Variants in EXTL3 observed in about 807,000 individuals in gnomAD.
The protein encoded by EXTL3 is exostosin-like 3.
EXTL3 carries 27 observed loss-of-function variants against 69.3 expected under a neutral mutation model. The ratio of observed to expected loss-of-function variants is 0.39; its 90% CI spans 0.29 to 0.54. EXTL3 has a LOEUF of 0.54. Ranked by LOEUF, EXTL3 falls within the 20% of genes least tolerant of loss-of-function variation. The pLI is 0.69. For synonymous variants in EXTL3, 511 were observed against 499.4 expected, an observed-to-expected ratio of 1.02 and a Z score of -0.31; for missense variants, 1,003 against 1,231.8, an observed-to-expected ratio of 0.81 and a Z score of 2.78.
chr8:28,646,077 G>T (rs747559582), intron 1 of EXTL3, among the ~76,000 whole-genome samples: 4 of 152,064 alleles, frequency 2.6e-5, no homozygotes, highest in Middle Eastern at 3.2e-3. Context: ...GCTCATTCTG[G>T]TCTTGAACTC....
At chr8:28,709,977 C>A (rs1801000751) in intron 1 of EXTL3, among the ~76,000 whole-genome samples, 1 of 152,166 alleles carries the variant, frequency 6.6e-6, no homozygotes, top group Admixed American at 6.5e-5. Context: ...TTGGTTCAGC[C>A]CTCCAATGAG....
chr8:28,628,640 C>T (rs17088357), intron 1 of EXTL3, among the ~76,000 whole-genome samples: 1 of 152,122 alleles, frequency 6.6e-6, no homozygotes, highest in Non-Finnish European at 1.5e-5. Context: ...GGCCTAGGAG[C>T]TTGTGACAAA....
At chr8:28,689,026 G>C (rs1800569576) in intron 1 of EXTL3, among the ~76,000 whole-genome samples, 1 of 152,172 alleles carries the variant, frequency 6.6e-6, no homozygotes, top group Non-Finnish European at 1.5e-5. Context: ...TGAATTCCTG[G>C]AAGCTCTCCT....
At chr8:28,726,429 G>T (rs1328218299) in intron 3 of EXTL3, among the ~76,000 whole-genome samples, 1 of 152,192 alleles carries the variant, frequency 6.6e-6, no homozygotes, top group Admixed American at 6.5e-5. Context: ...TGCAAAGTTT[G>T]TGAGGGCAGA....
intron 3 of EXTL3, among the ~76,000 whole-genome samples, chr8:28,724,245 T>C (rs1234904306): frequency 6.6e-6 from 1 of 152,212 alleles, no homozygotes. Flanking sequence ...TAACCTAGGC[T>C]TTCTTACCTG....
At chr8:28,675,894 C>T (rs768945736) in intron 1 of EXTL3, among the ~76,000 whole-genome samples, 59 of 151,796 alleles carry the variant, frequency 3.9e-4, no homozygotes, top group Non-Finnish European at 6.3e-4. Context: ...CGGTGGTGCA[C>T]GCCTGTAATC....
chr8:28,613,663 T>C (rs1281884176), intron 2 of EXTL3, among the ~76,000 whole-genome samples: 3 of 152,242 alleles, frequency 2.0e-5, no homozygotes, highest in Non-Finnish European at 4.4e-5. Flanking sequence ...GTTTCTTTAA[T>C]AGGTATAGAT....
intron 1 of EXTL3, chr8:28,631,304 G>C (rs990113577): frequency 1.3e-5 from 2 of 152,124 alleles, no homozygotes; most frequent in African/African-American, 4.8e-5. Context: ...AAGCTATCTG[G>C]AGTTATGACT....
intron 3 of EXTL3, 52 bp from the exon 4 acceptor site, chr8:28,731,171 G>A: frequency 6.2e-7 from 1 of 1,612,640 alleles, no homozygotes. Flanking sequence ...GATTTTGTTT[G>A]GCCTTTCATA....
chr8:28,614,511 C>A (rs138365512), intron 2 of EXTL3, among the ~76,000 whole-genome samples: 6 of 151,850 alleles, frequency 4.0e-5, no homozygotes, highest in Admixed American at 2.0e-4. Context: ...TGGGCTCAAG[C>A]GATCCACCCG....
intron 1 of EXTL3, among the ~76,000 whole-genome samples, chr8:28,706,838 C>CT (rs201853051): frequency 6.2e-4 from 91 of 146,972 alleles, no homozygotes; most frequent in Middle Eastern, 3.5e-3. Context: ...CAAATTTAAG[C>CT]TTTTTTTTTT....
chr8:28,674,898 A>G (rs1807354434), intron 1 of EXTL3, among the ~76,000 whole-genome samples: 1 of 152,072 alleles, frequency 6.6e-6, no homozygotes, highest in African/African-American at 2.4e-5. Flanking sequence ...GGAAATAGTA[A>G]TGGCCTCCCC....
At chr8:28,648,773 G>T (rs976216306) in intron 1 of EXTL3, among the ~76,000 whole-genome samples, 1 of 152,106 alleles carries the variant, frequency 6.6e-6, no homozygotes, top group South Asian at 2.1e-4. Flanking sequence ...TAGAGATAGG[G>T]TTTTGCTATG....
intron 1 of EXTL3, among the ~76,000 whole-genome samples, chr8:28,662,993 G>T (rs938745473): frequency 6.6e-6 from 1 of 152,146 alleles, no homozygotes; most frequent in Non-Finnish European, 1.5e-5. Context: ...GGAAATAATT[G>T]TATTACCGTA....
chr8:28,715,709 T>G lies in EXTL3; in HGVS notation c.-351T>G. On this transcript the variant is annotated 5_prime_UTR_variant, in exon 3 of 7. The change abolishes an upstream ATG in the 5' untranslated region. Coordinates refer to ENST00000220562, the MANE Select transcript of EXTL3 (RefSeq NM_001440.4). Reference sequence around the variant, plus strand: ...CAGCAAAACCAAGAAACAAGAGCTATGGCATTTGAAAAAGTCTGTCTGATT... The same window carrying G: ...CAGCAAAACCAAGAAACAAGAGCTAGGGCATTTGAAAAAGTCTGTCTGATT... 3.2e-6 allele frequency: 1 copy of G among 313,928 alleles called. No homozygotes were observed. The allele number at this position is 313,928 out of a possible 1,614,324, so 19.4% of individuals were successfully genotyped here.
intron 1 of EXTL3, among the ~76,000 whole-genome samples, chr8:28,661,296 A>G (rs575464956): frequency 3.8e-4 from 58 of 152,176 alleles, no homozygotes; most frequent in South Asian, 8.3e-4. Context: ...TCTCATCACA[A>G]TCAGAGCATA....
chr8:28,641,211 G>C (rs915142940), intron 1 of EXTL3, among the ~76,000 whole-genome samples: 8 of 152,168 alleles, frequency 5.3e-5, no homozygotes, highest in Non-Finnish European at 1.2e-4. Context: ...ATGCCATCTG[G>C]ATTTGATGAT....
chr8:28,633,210 C>T (rs983654450), intron 1 of EXTL3, among the ~76,000 whole-genome samples: 3 of 152,070 alleles, frequency 2.0e-5, no homozygotes, highest in Non-Finnish European at 2.9e-5. Flanking sequence ...TGTTGGCGCA[C>T]GCCTGTATTC....
At chr8:28,620,984 G>A (rs113038264), upstream of EXTL3, among the ~76,000 whole-genome samples, 4,678 of 152,198 alleles carry the variant, frequency 0.031, 202 homozygotes, top group African/African-American at 0.095. Flanking sequence ...CAAAGTGCTG[G>A]GATTTCAGAT....
Sources: gnomAD v4.1 joint callset for allele counts (sites outside exome capture counted in the v4.1 genomes callset) on GRCh38, gnomAD v4.1.1 for gene constraint, MANE v1.5 for transcripts, NCBI Gene and HGNC (gene_info 2026-07-23, HGNC 2026-07-21) for gene names.